ATG16L1: variants seen among roughly 807,000 people sequenced by gnomAD.
The protein encoded by ATG16L1 is autophagy related 16 like 1.
ATG16L1 carries 37 observed loss-of-function variants against 88.5 expected under a neutral mutation model. That is an observed-to-expected ratio of 0.42 (90% CI 0.32 to 0.55). ATG16L1 has a LOEUF of 0.55. ATG16L1 is among the 20% of genes least tolerant of loss of function. ATG16L1 has a pLI of 0.13. For missense variants in ATG16L1, 554 were observed against 752.8 expected (o/e 0.74, Z 3.09); for synonymous variants, 301 against 281.0 (o/e 1.07, Z -0.71).
At chr2:233,279,369 A>AG (rs5839475) in intron 10 of ATG16L1, among the ~76,000 whole-genome samples, 105,728 of 152,050 alleles carry the variant, frequency 0.7, 37,057 homozygotes, top group South Asian at 0.79. Context: ...GCGGCTGAAA[A>AG]GAAACGAACA....
At chr2:233,275,168 A>T (rs143787464) in intron 9 of ATG16L1, among the ~76,000 whole-genome samples, 15 of 152,240 alleles carry the variant, frequency 9.9e-5, no homozygotes, top group African/African-American at 3.6e-4. Context: ...TGGTTTCATG[A>T]ATTATATCCC....
intron 1 of ATG16L1, among the ~76,000 whole-genome samples, chr2:233,254,094 A>G (rs528946259): frequency 3.9e-4 from 60 of 152,296 alleles, no homozygotes; most frequent in African/African-American, 1.3e-3. Context: ...CATCTGTATA[A>G]TAGCTTGTAA....
chr2:233,284,038 G>A (rs1450299456), intron 12 of ATG16L1, among the ~76,000 whole-genome samples: 1 of 146,438 alleles, frequency 6.8e-6, no homozygotes, highest in African/African-American at 2.5e-5. Flanking sequence ...TAGTAGAGAT[G>A]GGGTTTCACC....
intron 2 of ATG16L1, among the ~76,000 whole-genome samples, chr2:233,256,758 G>A (rs1431303242): frequency 2.7e-5 from 4 of 150,340 alleles, no homozygotes; most frequent in Non-Finnish European, 4.4e-5. Context: ...ACAGTGGCAC[G>A]ATCTCAGCTC....
rs144316394 is a variant in ATG16L1 at position 233,289,408 on chromosome 2, T to TGTGTGTGAGAGA, written c.1204-445_1204-444insTGTGTGAGAGAG. Among the ~76,000 whole-genome samples, 184 of 149,652 alleles carry TGTGTGTGAGAGA rather than the reference T, an allele frequency of 1.2e-3. 1 individual carries two copies. The highest frequency in any genetic ancestry group is 4.5e-3 in the African/African-American group (180 of 40,248). On this transcript the variant is annotated intron_variant, in intron 12 of 17. Coordinates refer to ENST00000392017, the MANE Select transcript of ATG16L1 (RefSeq NM_030803.7). ...GTGTGTGTGTGTGTGTGTGTGTGTG[T>TGTGTGTGAGAGA]GACAGGATCTTGCTATCACTCAGGT...
chr2:233,263,343 A>T (rs1244460269), intron 3 of ATG16L1, 108 bp downstream of exon 3: 6 of 965,492 alleles, frequency 6.2e-6, no homozygotes, highest in Non-Finnish European at 9.5e-6. Context: ...CCTTAGCCAT[A>T]TGTGGCATCA....
intron 12 of ATG16L1, among the ~76,000 whole-genome samples, chr2:233,285,038 A>G (rs1250819881): frequency 6.6e-6 from 1 of 152,232 alleles, no homozygotes; most frequent in Non-Finnish European, 1.5e-5. Flanking sequence ...AGGGAAGTGC[A>G]CTGCTAGAGA....
intron 3 of ATG16L1, 71 bp from the exon 4 acceptor site, chr2:233,263,921 C>T: frequency 6.9e-7 from 1 of 1,456,564 alleles, no homozygotes; most frequent in Non-Finnish European, 9.6e-7. Flanking sequence ...AATAAATCGC[C>T]ACCCACTGTG....
chr2:233,275,749 G>A, intron 9 of ATG16L1: 1 of 519,224 alleles, frequency 1.9e-6, no homozygotes, highest in South Asian at 1.4e-5. Flanking sequence ...TTGGTAAAAG[G>A]TCTGATTGCA....
chr2:233,281,265 C>A (rs1243641872), intron 11 of ATG16L1, 90 bp downstream of exon 11: 2 of 959,376 alleles, frequency 2.1e-6, no homozygotes, highest in African/African-American at 1.7e-5. Context: ...TACCCGATTT[C>A]TCTGCCATTC....
At chr2:233,261,756 A>G (rs1034867141) in intron 2 of ATG16L1, among the ~76,000 whole-genome samples, 3 of 152,172 alleles carry the variant, frequency 2.0e-5, no homozygotes, top group Non-Finnish European at 4.4e-5. Flanking sequence ...CTATAGTCTG[A>G]TAATTCTCAC....
chr2:233,290,188 A>G lies in ATG16L1; in HGVS notation c.1325-60A>G, dbSNP rs779527963. 3 of 1,562,626 alleles carry G rather than the reference A, an allele frequency of 1.9e-6. No individual in the cohort carries two copies. The South Asian group carries it at 3.3e-5, about 17-fold the overall frequency. ...AAGTCAGTGGTTAGAGGGTGGCAGC[A>G]TTATGTAAACAGCCACGTTGGTGCC... On this transcript the variant is annotated intron_variant, in intron 13 of 17. Transcript: ENST00000392017.
chr2:233,256,601 A>G (rs1455917192), intron 2 of ATG16L1, among the ~76,000 whole-genome samples: 2 of 151,608 alleles, frequency 1.3e-5, no homozygotes, highest in African/African-American at 2.4e-5. Context: ...TTCCTGCAGT[A>G]TGGGTCTATT....
In ATG16L1 at chr2:233,292,025, C is replaced by T. The variant is rs148786327; in HGVS notation, c.1431-103C>T. The T allele has an allele frequency of 4.4e-4, 597 of 1,351,326 alleles. 3 individuals are homozygous for T. The highest frequency in any genetic ancestry group is 8.7e-5 in the Non-Finnish European group (86 of 983,914). The allele number at this position is 1,351,326 out of a possible 1,614,324, so 83.7% of individuals were successfully genotyped here. A position where few individuals can be genotyped will look rare whatever the true frequency, so the allele number is the denominator to read the frequency against. On this transcript the variant is annotated intron_variant, in intron 14 of 17. Transcript: ENST00000392017. ...GAACACATTGACTGCGCTGGCAGAG[C>T]GTTGCATGCTAGTTGAATTGCAGTG...
Position 233,273,036 on chromosome 2 carries a change from A to G in ATG16L1, c.778A>G (p.Ile260Val). The part of the protein sequence containing the change: ...HTEETSPVRA[I>V]SRAATKRLSQ... Reference sequence around the variant, plus strand: ...AGAAGAGACCTCTCCTGTGCGAGCCATCAGCAGAGCAGCCACGTAAGTAGG... The same window carrying G: ...AGAAGAGACCTCTCCTGTGCGAGCCGTCAGCAGAGCAGCCACGTAAGTAGG... Residue 260 changes from isoleucine to valine, a missense_variant, in exon 7 of 18, where the codon ATC (isoleucine) becomes GTC (valine). Physicochemically the swap from Ile to Val is conservative, Grantham distance 29. Transcript: ENST00000392017. The G allele has an allele frequency of 3.1e-6, 5 of 1,614,120 alleles. No individual in the cohort carries two copies. The highest frequency in any genetic ancestry group is 1.1e-5 in the South Asian group (1 of 91,084).
chr2:233,292,492 A>G, intron 16 of ATG16L1, 58 bp downstream of exon 16: 2 of 1,606,736 alleles, frequency 1.2e-6, no homozygotes, highest in Non-Finnish European at 1.7e-6. Flanking sequence ...CTGCATGGGC[A>G]TTTTCCCACT....
intron 4 of ATG16L1, 56 bp downstream of exon 4, chr2:233,264,121 TCTG>T: frequency 1.3e-6 from 2 of 1,576,132 alleles, no homozygotes; most frequent in Non-Finnish European, 1.7e-6. Flanking sequence ...TGTCCTTTGT[TCTG>T]CTGACCTCTT....
At chr2:233,282,597 C>T (rs533957011) in intron 11 of ATG16L1, 85 bp from the exon 12 acceptor site, 4 of 1,234,696 alleles carry the variant, frequency 3.2e-6, no homozygotes, top group Admixed American at 3.4e-5. Context: ...CCTTCTTGTA[C>T]TTGATTATTG....
At chr2:233,262,538 T>C (rs1054476937) in intron 2 of ATG16L1, among the ~76,000 whole-genome samples, 2 of 152,186 alleles carry the variant, frequency 1.3e-5, no homozygotes, top group African/African-American at 4.8e-5. Flanking sequence ...CCACCTGCTG[T>C]ACACCTCTCC....
Sources: allele counts gnomAD v4.1 joint callset (sites outside exome capture counted in the v4.1 genomes callset), GRCh38; gene constraint gnomAD v4.1.1; transcripts MANE v1.5; gene names NCBI Gene and HGNC (gene_info 2026-07-23, HGNC 2026-07-21).